Variants in VCF2 observed in about 807,000 individuals in gnomAD.
The protein encoded by VCF2 is VCP nuclear cofactor family member 2, also known as protein VCF2.
At chrX:55,146,421 A>C in the VCF2 span, 2 of 689,509 alleles carry the variant, frequency 2.9e-6, no homozygotes, top group Non-Finnish European at 4.5e-6. Flanking sequence ...AATGGTTTTT[A>C]CAAAGTAGAG....
the VCF2 span, among the ~76,000 whole-genome samples, chrX:55,147,308 C>T: frequency 5.9e-4 from 66 of 111,359 alleles, no homozygotes; most frequent in South Asian, 6.4e-3. Flanking sequence ...GTAACACTGT[C>T]CACAGGTACC....
chrX:55,161,146 C>G, the VCF2 span: 1 of 1,208,334 alleles, frequency 8.3e-7, no homozygotes, highest in East Asian at 3.0e-5. Context: ...CCGTACAGGG[C>G]AGCCTCCCAT....
chrX:55,148,481 A>T, the VCF2 span, among the ~76,000 whole-genome samples: 1 of 110,431 alleles, frequency 9.1e-6, no homozygotes, highest in Non-Finnish European at 1.9e-5. Flanking sequence ...TTACCTCTTT[A>T]TAAATATAAA....
chrX:55,155,941 CTTTTTTTTT>C, the VCF2 span, among the ~76,000 whole-genome samples: 1 of 50,529 alleles, frequency 2.0e-5, no homozygotes, highest in Admixed American at 2.3e-4. Context: ...TCTTCTTCTT[CTTTTTTTTT>C]TTTTTTTTTT....
chrX:55,148,153 G>A, the VCF2 span, among the ~76,000 whole-genome samples: 3 of 110,128 alleles, frequency 2.7e-5, no homozygotes, highest in East Asian at 8.6e-4. Context: ...GACATTCACA[G>A]CTTTCATCTG....
chrX:55,150,995 A>C, the VCF2 span, among the ~76,000 whole-genome samples: 3 of 112,541 alleles, frequency 2.7e-5, no homozygotes, highest in Admixed American at 9.4e-5. Context: ...TTTGTTTCTG[A>C]GTCCAGAAAA....
At chrX:55,152,676 C>T in the VCF2 span, among the ~76,000 whole-genome samples, 1 of 112,212 alleles carries the variant, frequency 8.9e-6, no homozygotes, top group Non-Finnish European at 1.9e-5. Flanking sequence ...AAGGGAACTA[C>T]ATCAGGCAAA....
the VCF2 span, chrX:55,143,123 TTTA>T: frequency 2.7e-5 from 3 of 110,828 alleles, no homozygotes; most frequent in East Asian, 5.6e-4. Context: ...AGCTGTAGGC[TTTA>T]TTAAGCAGAG....
chrX:55,159,543 G>C, the VCF2 span, among the ~76,000 whole-genome samples: 1 of 112,105 alleles, frequency 8.9e-6, no homozygotes, highest in African/African-American at 3.2e-5. Context: ...TACCTAATTA[G>C]TTTCATTGTT....
chrX:55,145,773 A>T, the VCF2 span: 2 of 797,546 alleles, frequency 2.5e-6, no homozygotes, highest in Non-Finnish European at 3.0e-6. Context: ...AGATCTGGAA[A>T]TCAATCTGAA....
the VCF2 span, among the ~76,000 whole-genome samples, chrX:55,149,596 A>G: frequency 2.7e-5 from 3 of 111,864 alleles, no homozygotes; most frequent in Non-Finnish European, 5.6e-5. Context: ...GAGAGATAAA[A>G]TTAGTTCAGT....
the VCF2 span, chrX:55,159,229 C>T: frequency 1.7e-6 from 2 of 1,189,218 alleles, no homozygotes; most frequent in Non-Finnish European, 2.3e-6. Flanking sequence ...TCTTCTTTTC[C>T]TGAAAATAAA....
the VCF2 span, chrX:55,143,727 T>C: frequency 1.0e-6 from 1 of 1,000,605 alleles, no homozygotes. Context: ...CTTTCTACTT[T>C]CTTCTGATAT....
At chrX:55,160,902 G>C in the VCF2 span, 2 of 1,160,085 alleles carry the variant, frequency 1.7e-6, no homozygotes, top group Non-Finnish European at 2.3e-6. Flanking sequence ...AGAAGGCTTC[G>C]CGGGATTTTT....
the VCF2 span, among the ~76,000 whole-genome samples, chrX:55,160,394 CAG>C: frequency 1.2e-4 from 14 of 112,432 alleles, no homozygotes; most frequent in African/African-American, 3.9e-4. Context: ...GTTTTTAAAA[CAG>C]AGTAATACTA....
At chrX:55,158,547 T>G in the VCF2 span, among the ~76,000 whole-genome samples, 1 of 111,571 alleles carries the variant, frequency 9.0e-6, no homozygotes, top group African/African-American at 3.3e-5. Flanking sequence ...GATTTATAAG[T>G]TCCCAACACA....
the VCF2 span, among the ~76,000 whole-genome samples, chrX:55,149,049 T>C: frequency 8.9e-6 from 1 of 112,001 alleles, no homozygotes; most frequent in South Asian, 3.7e-4. Flanking sequence ...ATCTGAAAAT[T>C]TTCATTTATT....
the VCF2 span, among the ~76,000 whole-genome samples, chrX:55,154,743 T>G: frequency 1.8e-5 from 2 of 112,576 alleles, no homozygotes; most frequent in Non-Finnish European, 3.7e-5. Context: ...TCTAACACTT[T>G]GACTCGTGTG....
chrX:55,145,183 C>T, the VCF2 span: 1 of 384,471 alleles, frequency 2.6e-6, no homozygotes, highest in African/African-American at 2.8e-5. Flanking sequence ...TTGTCCAACC[C>T]ACTTCCATAA....
Sources: allele counts gnomAD v4.1 joint callset (sites outside exome capture counted in the v4.1 genomes callset), GRCh38; gene constraint gnomAD v4.1.1; transcripts MANE v1.5; gene names NCBI Gene and HGNC (gene_info 2026-07-23, HGNC 2026-07-21).